RNF220: variants seen among roughly 807,000 people sequenced by gnomAD.
RNF220 encodes the protein ring finger protein 220, also known as E3 ubiquitin-protein ligase RNF220.
Under a neutral mutation model 67.1 loss-of-function variants are expected in RNF220, and 7 were observed. The observed-to-expected ratio is 0.10, with a 90% CI of 0.06 to 0.20. The LOEUF is 0.20. Among genes scored for constraint, RNF220 ranks in the 10% least tolerant of loss-of-function variants. RNF220 has a pLI of 1.00. For missense variants in RNF220, 565 were observed against 740.3 expected (o/e 0.76, Z 2.75); for synonymous variants, 270 against 283.2 (o/e 0.95, Z 0.47).
intron 6 of RNF220, 111 bp from the exon 7 acceptor site, chr1:44,635,434 A>G (rs1282524528): frequency 6.0e-6 from 9 of 1,499,888 alleles, no homozygotes; most frequent in South Asian, 1.3e-5. Context: ...GGCACTGAAT[A>G]AAAAGGCCAA....
intron 2 of RNF220, among the ~76,000 whole-genome samples, chr1:44,529,706 T>C (rs997914096): frequency 8.5e-5 from 13 of 152,130 alleles, no homozygotes; most frequent in Non-Finnish European, 1.3e-4. Flanking sequence ...AAAAGGAGAT[T>C]TATTTGAAAA....
At chr1:44,432,992 C>T (rs55970448) in intron 2 of RNF220, among the ~76,000 whole-genome samples, 4,815 of 150,112 alleles carry the variant, frequency 0.032, 113 homozygotes, top group Admixed American at 0.051. Context: ...TGCAGTGATG[C>T]GATCTCGGCT....
intron 2 of RNF220, among the ~76,000 whole-genome samples, chr1:44,570,296 C>G (rs978609153): frequency 1.3e-5 from 2 of 152,162 alleles, no homozygotes; most frequent in Admixed American, 6.5e-5. Flanking sequence ...TCTTACAAAC[C>G]CCATCCAGCG....
At chr1:44,432,636 G>A (rs1449953948) in intron 2 of RNF220, among the ~76,000 whole-genome samples, 1 of 152,132 alleles carries the variant, frequency 6.6e-6, no homozygotes, top group Non-Finnish European at 1.5e-5. Flanking sequence ...CTATTCACAG[G>A]TGTGATTATA....
At chr1:44,607,057 C>T (rs1667317535) in intron 2 of RNF220, among the ~76,000 whole-genome samples, 1 of 152,186 alleles carries the variant, frequency 6.6e-6, no homozygotes, top group African/African-American at 2.4e-5. Flanking sequence ...ACCTTAGAGT[C>T]ATCCTTAACT....
chr1:44,559,703 G>A (rs1350052082), intron 2 of RNF220, among the ~76,000 whole-genome samples: 1 of 152,230 alleles, frequency 6.6e-6, no homozygotes, highest in African/African-American at 2.4e-5. Context: ...AAGGAAGGGG[G>A]CCTGCGCAGT....
At chr1:44,435,313 T>G (rs1189915251) in intron 2 of RNF220, among the ~76,000 whole-genome samples, 1 of 152,220 alleles carries the variant, frequency 6.6e-6, no homozygotes, top group Non-Finnish European at 1.5e-5. Context: ...TCCCAGAGCT[T>G]GGGGCTTCCA....
Position 44,644,680 on chromosome 1 carries a change from A to G in RNF220, c.1127-18A>G. On this transcript the variant is annotated intron_variant, in intron 8 of 14. Transcript: ENST00000361799. ...CTCGTCTTGTCCCCAGGCCCTCCTCACACCCTGCTTCCCACAGGCTCTGGC... is the reference window on the plus strand; with the variant it reads ...CTCGTCTTGTCCCCAGGCCCTCCTCGCACCCTGCTTCCCACAGGCTCTGGC... 1 of 1,610,888 alleles carries G rather than the reference A, an allele frequency of 6.2e-7. No homozygotes were observed. Among genetic ancestry groups the G allele is most frequent in the Non-Finnish European group, 8.5e-7 (1 of 1,177,520 alleles).
At chr1:44,488,137 ATT>A (rs34017881) in intron 2 of RNF220, among the ~76,000 whole-genome samples, 1 of 137,320 alleles carries the variant, frequency 7.3e-6, no homozygotes, top group Non-Finnish European at 1.6e-5. Flanking sequence ...TGCCTTGCTG[ATT>A]TTTTTTTTTT....
intron 5 of RNF220, chr1:44,631,982 CGCCGCCGCCGCTTGGAGCTGAAGT>C (rs910883246): frequency 1.3e-4 from 130 of 986,526 alleles, no homozygotes; most frequent in Non-Finnish European, 1.4e-4. Flanking sequence ...CCAACATGGC[CGCCGCCGCCGCTTGGAGCTGAAGT>C]GCCGCCGCCG....
At chr1:44,514,271 T>G (rs527835991) in intron 2 of RNF220, among the ~76,000 whole-genome samples, 1 of 152,120 alleles carries the variant, frequency 6.6e-6, no homozygotes, top group Non-Finnish European at 1.5e-5. Flanking sequence ...CCTAAAATAA[T>G]GGAATTATGG....
chr1:44,576,888 C>G, intron 2 of RNF220, among the ~76,000 whole-genome samples: 1 of 152,174 alleles, frequency 6.6e-6, no homozygotes, highest in East Asian at 1.9e-4. Context: ...CACCTCAGCT[C>G]AACTCACTTT....
chr1:44,499,525 CCTT>C (rs1300342084), intron 2 of RNF220, among the ~76,000 whole-genome samples: 1 of 152,276 alleles, frequency 6.6e-6, no homozygotes. Flanking sequence ...TGTTGGTTCT[CCTT>C]CTTCCTCACT....
intron 2 of RNF220, among the ~76,000 whole-genome samples, chr1:44,420,414 G>A (rs925749575): frequency 6.6e-6 from 1 of 152,138 alleles, no homozygotes; most frequent in Non-Finnish European, 1.5e-5. Context: ...GTAGGGAGGG[G>A]GCAAGGGCCA....
At chr1:44,494,986 G>A (rs1413442513) in intron 2 of RNF220, among the ~76,000 whole-genome samples, 2 of 152,204 alleles carry the variant, frequency 1.3e-5, no homozygotes, top group Non-Finnish European at 2.9e-5. Context: ...GCTGAGGCAG[G>A]AGGATTGCTT....
chr1:44,438,675 A>G (rs1390816799), intron 2 of RNF220, among the ~76,000 whole-genome samples: 1 of 152,238 alleles, frequency 6.6e-6, no homozygotes, highest in African/African-American at 2.4e-5. Flanking sequence ...TTAAGGAGAC[A>G]AAAACCCTAT....
rs567780332 is a variant in RNF220 at position 44,569,217 on chromosome 1, C to T, written c.626-44948C>T. The stretch of plus-strand genomic sequence containing the variant: ...CTGTTTTTAGACTAGCCTCTCTCCC[C>T]GCCCCACTATCCCCAAAAATTATTA... On this transcript the variant is annotated intron_variant, in intron 2 of 14. Transcript: ENST00000361799. 9.2e-5 allele frequency among the ~76,000 whole-genome samples: 14 copies of T among 152,248 alleles called. No individual in the cohort carries two copies. The East Asian group carries it at 2.7e-3, about 29-fold the overall frequency.
intron 2 of RNF220, among the ~76,000 whole-genome samples, chr1:44,472,394 T>TC (rs1265316609): frequency 3.3e-5 from 5 of 152,048 alleles, no homozygotes; most frequent in Non-Finnish European, 7.4e-5. Flanking sequence ...GGTTTGTTTT[T>TC]TTGTTATGTT....
At chr1:44,424,178 A>C in intron 2 of RNF220, 21 of 221,420 alleles carry the variant, frequency 9.5e-5, no homozygotes, top group Non-Finnish European at 1.4e-4. Context: ...AGAAATGATA[A>C]TGTAAAATAA....
Sources: allele counts gnomAD v4.1 joint callset (sites outside exome capture counted in the v4.1 genomes callset), GRCh38; gene constraint gnomAD v4.1.1; transcripts MANE v1.5; gene names NCBI Gene and HGNC (gene_info 2026-07-23, HGNC 2026-07-21).